Variants in MINDY2 observed in about 807,000 individuals in gnomAD.
MINDY2 encodes the protein ubiquitin carboxyl-terminal hydrolase MINDY-2.
MINDY2 carries 52 observed loss-of-function variants against 68.2 expected under a neutral mutation model. The observed-to-expected ratio is 0.76, with a 90% CI of 0.61 to 0.96. MINDY2 has a LOEUF of 0.96. MINDY2 is among the 40% of genes least tolerant of loss of function. MINDY2 has a pLI of 0.00. For synonymous variants in MINDY2, 372 were observed against 303.0 expected (o/e 1.23, Z -2.36); for missense variants, 881 against 773.4 (o/e 1.14, Z -1.65).
intron 6 of MINDY2, among the ~76,000 whole-genome samples, chr15:58,834,020 C>T (rs1373344894): frequency 2.6e-5 from 4 of 152,140 alleles, no homozygotes. Context: ...TTTTGTGTCT[C>T]TGGGTACTTG....
intron 6 of MINDY2, among the ~76,000 whole-genome samples, chr15:58,838,302 A>G (rs1490653402): frequency 6.6e-6 from 1 of 151,952 alleles, no homozygotes; most frequent in Non-Finnish European, 1.5e-5. Context: ...GAAGGCTGAG[A>G]CAGGAGAATC....
In MINDY2 at chr15:58,832,864, C is replaced by A. The variant is rs146407296; in HGVS notation, c.1368+948C>A. 1.4e-3 allele frequency among the ~76,000 whole-genome samples: 211 copies of A among 152,256 alleles called. 1 individual carries two copies. Among genetic ancestry groups the A allele is most frequent in the African/African-American group, 4.9e-3 (202 of 41,554 alleles). On this transcript the variant is annotated intron_variant, in intron 6 of 8. Coordinates refer to ENST00000559228, the MANE Select transcript of MINDY2 (RefSeq NM_001040450.3). ...CATCTAATCATGGAAGTTTATATTTCAGTGCTAAAGGAATTTAGAAGAAAT... is the reference window on the plus strand; with the variant it reads ...CATCTAATCATGGAAGTTTATATTTAAGTGCTAAAGGAATTTAGAAGAAAT...
At chr15:58,821,565 T>C in intron 4 of MINDY2, 152 bp from the exon 5 acceptor site, 1 of 316,776 alleles carries the variant, frequency 3.2e-6, no homozygotes, top group Middle Eastern at 9.4e-4. Context: ...TGGAAACTGT[T>C]GGGTGTTGAT....
intron 5 of MINDY2, among the ~76,000 whole-genome samples, chr15:58,825,434 T>G (rs888682501): frequency 7.2e-5 from 11 of 152,164 alleles, no homozygotes; most frequent in Non-Finnish European, 1.5e-4. Flanking sequence ...AACAATACCT[T>G]TTTGAATCTG....
At position 58,772,070 on chromosome 15, in the gene MINDY2, G is replaced by C. The variant is rs1471571832; in HGVS notation, c.675G>C (p.Glu225Asp). 3.7e-6 allele frequency: 6 copies of C among 1,612,278 alleles called. No individual in the cohort carries two copies. The South Asian group carries it at 5.5e-5, about 15-fold the overall frequency. The part of the protein sequence containing the change: ...VPLCKEEEGE[E>D]TAQVLAASKE... The stretch of plus-strand genomic sequence containing the variant: ...TGTGCAAGGAGGAGGAGGGGGAGGA[G>C]ACCGCTCAGGTGCTGGCGGCCTCCA... The change falls in exon 1 of 9, where the codon GAG (glutamate) becomes GAC (aspartate). Residue 225 changes from glutamate to aspartate, a missense_variant. Coordinates refer to ENST00000559228, the MANE Select transcript of MINDY2 (RefSeq NM_001040450.3).
At chr15:58,827,945 T>C (rs2031501594) in intron 5 of MINDY2, among the ~76,000 whole-genome samples, 1 of 151,788 alleles carries the variant, frequency 6.6e-6, no homozygotes, top group African/African-American at 2.4e-5. Context: ...TCAAATCATA[T>C]GAGTGGGCTG....
At position 58,854,668 on chromosome 15, in the gene MINDY2, GA is replaced by G; in HGVS notation, c.*61del. On this transcript the variant is annotated 3_prime_UTR_variant, in exon 9 of 9. Coordinates refer to ENST00000559228, the MANE Select transcript of MINDY2 (RefSeq NM_001040450.3). ...GTCTTGAGAAACAAAACCACAGGAG[GA>G]AAGGAAGAAAAACCGATCAATACCG... is the stretch of plus-strand genomic sequence containing the variant. 2 of 1,544,780 alleles carry G rather than the reference GA, an allele frequency of 1.3e-6. No homozygotes were observed. The highest frequency in any genetic ancestry group is 1.2e-5 in the South Asian group (1 of 81,918).
intron 2 of MINDY2, among the ~76,000 whole-genome samples, chr15:58,793,342 C>T (rs1902063346): frequency 6.6e-6 from 1 of 152,046 alleles, no homozygotes; most frequent in Non-Finnish European, 1.5e-5. Context: ...GTCCCAGCTA[C>T]TTGGGAAACT....
At chr15:58,853,095 G>A (rs2140875068) in intron 8 of MINDY2, among the ~76,000 whole-genome samples, 1 of 151,588 alleles carries the variant, frequency 6.6e-6, no homozygotes, top group African/African-American at 2.4e-5. Flanking sequence ...TGGGATTACA[G>A]GTGTGTGCCA....
At chr15:58,837,960 C>G (rs1268682603) in intron 6 of MINDY2, among the ~76,000 whole-genome samples, 3 of 132,672 alleles carry the variant, frequency 2.3e-5, no homozygotes, top group Non-Finnish European at 4.7e-5. Context: ...CAGAGTAAGA[C>G]CTTCTTTCAA....
rs1185158954 is a variant in MINDY2, at chr15:58,856,463, A to G, written c.*1853A>G. On this transcript the variant is annotated 3_prime_UTR_variant, in exon 9 of 9. Coordinates refer to ENST00000559228, the MANE Select transcript of MINDY2 (RefSeq NM_001040450.3). ...GTATCTTTTATGTCCTTTATATTGC[A>G]TGTCTATTTCTGTTACACAATTTGT... 1 of 152,608 alleles carries G rather than the reference A, an allele frequency of 6.6e-6. No homozygotes were observed. Among genetic ancestry groups the G allele is most frequent in the Non-Finnish European group, 1.5e-5 (1 of 68,034 alleles). The allele number at this position is 152,608 out of a possible 1,614,324, so 9.5% of individuals were successfully genotyped here.
At chr15:58,843,466 A>C (rs1370856973) in intron 6 of MINDY2, among the ~76,000 whole-genome samples, 1 of 152,140 alleles carries the variant, frequency 6.6e-6, no homozygotes, top group Admixed American at 6.6e-5. Context: ...ATGTTAAGTA[A>C]TTTGAATCCG....
chr15:58,774,694 G>T (rs1273996859), intron 1 of MINDY2, among the ~76,000 whole-genome samples: 1 of 152,144 alleles, frequency 6.6e-6, no homozygotes, highest in Non-Finnish European at 1.5e-5. Context: ...GAGATAACCT[G>T]TGAACTAGAT....
chr15:58,843,832 CAA>C (rs34999651), intron 6 of MINDY2, among the ~76,000 whole-genome samples: 57 of 84,802 alleles, frequency 6.7e-4, no homozygotes, highest in African/African-American at 2.1e-3. Flanking sequence ...GACTCTGTCT[CAA>C]AAAAAAAAAA....
chr15:58,832,288 G>A (rs183242404), intron 6 of MINDY2, among the ~76,000 whole-genome samples: 29 of 150,396 alleles, frequency 1.9e-4, no homozygotes, highest in Admixed American at 1.9e-3. Flanking sequence ...GTGCAATGGC[G>A]TGATCTCGGC....
chr15:58,836,618 ATTTTTT>A (rs1167464387), intron 6 of MINDY2, among the ~76,000 whole-genome samples: 1 of 151,216 alleles, frequency 6.6e-6, no homozygotes. Flanking sequence ...TGCTTTTTTT[ATTTTTT>A]ATTTTTTTCC....
intron 4 of MINDY2, among the ~76,000 whole-genome samples, chr15:58,821,183 C>A (rs958944226): frequency 6.6e-6 from 1 of 151,584 alleles, no homozygotes; most frequent in Non-Finnish European, 1.5e-5. Context: ...AACTTTTCTT[C>A]AGGAAAATAA....
At chr15:58,810,646 C>G (rs1407337331) in intron 4 of MINDY2, among the ~76,000 whole-genome samples, 1 of 152,122 alleles carries the variant, frequency 6.6e-6, no homozygotes. Flanking sequence ...ACTTCTCACA[C>G]CAATCACAAG....
Position 58,860,599 on chromosome 15 carries a change from C to T in MINDY2, c.*5989C>T, listed in dbSNP as rs1395902501. ...CTCAAAAAAAAAAAAAAAAAAAAGTCAAGAAACTGAAATTCCCATTTAAGT... is the reference window on the plus strand; with the variant it reads ...CTCAAAAAAAAAAAAAAAAAAAAGTTAAGAAACTGAAATTCCCATTTAAGT... On this transcript the variant is annotated 3_prime_UTR_variant, in exon 9 of 9. Coordinates refer to ENST00000559228, the MANE Select transcript of MINDY2 (RefSeq NM_001040450.3). 1 of 143,798 alleles carries T rather than the reference C, an allele frequency of 7.0e-6. No individual in the cohort carries two copies. Among genetic ancestry groups the T allele is most frequent in the Non-Finnish European group, 1.5e-5 (1 of 66,258 alleles). The allele number at this position is 143,798 out of a possible 1,614,324, so 8.9% of individuals were successfully genotyped here.
Sources: allele counts gnomAD v4.1 joint callset (sites outside exome capture counted in the v4.1 genomes callset), GRCh38; gene constraint gnomAD v4.1.1; transcripts MANE v1.5; gene names NCBI Gene and HGNC (gene_info 2026-07-23, HGNC 2026-07-21).